CSMD1: variants seen among roughly 807,000 people sequenced by gnomAD.
CSMD1 encodes CUB and sushi domain-containing protein 1.
A neutral mutation model predicts 417.5 loss-of-function variants in CSMD1; 213 were observed. That is an observed-to-expected ratio of 0.51 (90% confidence interval 0.46 to 0.57). The LOEUF is 0.57. CSMD1 is among the 20% of genes least tolerant of loss of function. The pLI is 0.00. For synonymous variants in CSMD1, 2,862 were observed against 1,736.8 expected (o/e 1.65, Z -16.11); for missense variants, 6,923 against 4,529.7 (o/e 1.53, Z -15.17).
At chr8:4,023,412 T>C (rs1796886236) in intron 4 of CSMD1, among the ~76,000 whole-genome samples, 1 of 152,126 alleles carries the variant, frequency 6.6e-6, no homozygotes, top group Non-Finnish European at 1.5e-5. Context: ...TCCAATTTCA[T>C]TATGAATAAT....
At chr8:4,521,535 C>T (rs1440627464) in intron 2 of CSMD1, among the ~76,000 whole-genome samples, 6 of 152,094 alleles carry the variant, frequency 3.9e-5, no homozygotes, top group Non-Finnish European at 8.8e-5. Flanking sequence ...TTCTTGTCTA[C>T]TATAGCAGTG....
At chr8:3,204,169 G>C (rs1345523022) in intron 31 of CSMD1, among the ~76,000 whole-genome samples, 1 of 152,156 alleles carries the variant, frequency 6.6e-6, no homozygotes, top group Non-Finnish European at 1.5e-5. Context: ...GTGATCGTTT[G>C]TGTGATTAAA....
Position 3,308,348 on chromosome 8 carries a change from T to C in CSMD1, c.3787A>G (p.Arg1263Gly). The change falls in exon 24 of 70, where the codon AGG becomes GGG. Residue 1263 changes from arginine to glycine, a missense_variant. Coordinates refer to ENST00000635120, the MANE Select transcript of CSMD1 (RefSeq NM_033225.6). ...GGTAGTGGTTTGTCCCACACTCTCCTGTCTCCACTCAAACAGGTCAGGGTG... is the reference window on the plus strand; with the variant it reads ...GGTAGTGGTTTGTCCCACACTCTCCCGTCTCCACTCAAACAGGTCAGGGTG... Reference protein sequence around the residue: ...SNTLTCLSGDRRVWDKPLPSC... With the variant: ...SNTLTCLSGDGRVWDKPLPSC... 2 of 1,613,400 alleles carry C rather than the reference T, an allele frequency of 1.2e-6. No individual in the cohort carries two copies. The highest frequency in any genetic ancestry group is 1.7e-6 in the Non-Finnish European group (2 of 1,179,524).
intron 11 of CSMD1, among the ~76,000 whole-genome samples, chr8:3,470,541 C>T (rs1817026447): frequency 6.6e-6 from 1 of 152,114 alleles, no homozygotes; most frequent in Admixed American, 6.6e-5. Flanking sequence ...TTTGTATGTA[C>T]ATTTGTGCAT....
intron 1 of CSMD1, among the ~76,000 whole-genome samples, chr8:4,771,689 C>T (rs994064554): frequency 2.0e-5 from 3 of 152,166 alleles, no homozygotes; most frequent in African/African-American, 7.2e-5. Context: ...AAACTTCACC[C>T]GTGTCCCCTG....
intron 1 of CSMD1, among the ~76,000 whole-genome samples, chr8:4,696,646 T>G (rs1807151857): frequency 6.6e-6 from 1 of 152,226 alleles, no homozygotes; most frequent in African/African-American, 2.4e-5. Context: ...TTTTCATTTA[T>G]CTGGTTTCTC....
intron 3 of CSMD1, among the ~76,000 whole-genome samples, chr8:4,169,264 T>TGC (rs1797629396): frequency 6.6e-6 from 1 of 152,132 alleles, no homozygotes. Flanking sequence ...GTCTGATGGG[T>TGC]GCCTCAATCT....
Position 4,639,666 on chromosome 8 carries a change from TATCTC to T in CSMD1, c.86-2113_86-2109del, listed in dbSNP as rs1235286451. On this transcript the variant is annotated intron_variant, in intron 1 of 69. Transcript: ENST00000635120. ...AGTGTAAGTACTTGAATACAAGTAT[TATCTC>T]AGCTCTTATTGTTAAAGTACAAATA... 4.6e-5 allele frequency among the ~76,000 whole-genome samples: 7 copies of T among 152,326 alleles called. No individual in the cohort carries two copies. In the South Asian group the frequency reaches 6.2e-4, roughly 14 times the overall value.
chr8:3,172,522 A>C (rs1851006277), intron 37 of CSMD1, among the ~76,000 whole-genome samples: 1 of 152,208 alleles, frequency 6.6e-6, no homozygotes, highest in Non-Finnish European at 1.5e-5. Context: ...TAAATTTGAA[A>C]TTAGCAGAGA....
intron 6 of CSMD1, among the ~76,000 whole-genome samples, chr8:3,712,396 G>C (rs1313733385): frequency 3.3e-4 from 21 of 63,982 alleles, no homozygotes; most frequent in African/African-American, 1.2e-3. Flanking sequence ...GAGAGAGAGA[G>C]AGAGACAGAC....
intron 6 of CSMD1, among the ~76,000 whole-genome samples, chr8:3,736,780 T>A (rs1244425783): frequency 6.6e-6 from 1 of 152,224 alleles, no homozygotes; most frequent in African/African-American, 2.4e-5. Context: ...CCTCAGATCC[T>A]CATCTGCAAA....
chr8:4,676,641 T>C (rs1805699330), intron 1 of CSMD1, among the ~76,000 whole-genome samples: 1 of 152,160 alleles, frequency 6.6e-6, no homozygotes, highest in African/African-American at 2.4e-5. Context: ...CAATCTGTTT[T>C]CCAAGTTACA....
intron 5 of CSMD1, among the ~76,000 whole-genome samples, chr8:3,833,212 T>C (rs1015299660): frequency 6.6e-6 from 1 of 152,158 alleles, no homozygotes; most frequent in Non-Finnish European, 1.5e-5. Flanking sequence ...TCAAGAATTT[T>C]TTTGTCCGTA....
intron 1 of CSMD1, among the ~76,000 whole-genome samples, chr8:4,710,895 C>T (rs896419175): frequency 1.3e-5 from 2 of 151,644 alleles, no homozygotes; most frequent in Admixed American, 6.6e-5. Flanking sequence ...AGAAAAAAGA[C>T]TTACATAACT....
rs1797997798 is a variant in CSMD1 at position 4,301,863 on chromosome 8, C to G, written c.415+118090G>C. 8.6e-5 allele frequency among the ~76,000 whole-genome samples: 10 copies of G among 116,882 alleles called. No individual in the cohort carries two copies. In the South Asian group the frequency reaches 3.3e-3, roughly 38 times the overall value. The allele number at this position is 116,882 out of a possible 152,430, so 76.7% of individuals were successfully genotyped here. ...TCGGTGATTTCACCATTCTTCTGCC[C>G]AAGCTTCACCATAAATTTGTTGTTC... On this transcript the variant is annotated intron_variant, in intron 3 of 69. Transcript: ENST00000635120.
intron 39 of CSMD1, among the ~76,000 whole-genome samples, chr8:3,157,453 G>C (rs1346499946): frequency 6.6e-6 from 1 of 152,186 alleles, no homozygotes; most frequent in Non-Finnish European, 1.5e-5. Flanking sequence ...TCACCAGGCT[G>C]TTTCCAACAT....
At chr8:4,328,951 G>C (rs1799710997) in intron 3 of CSMD1, among the ~76,000 whole-genome samples, 1 of 152,204 alleles carries the variant, frequency 6.6e-6, no homozygotes, top group African/African-American at 2.4e-5. Context: ...GCATTTGCAA[G>C]TTTAGCAGAG....
intron 5 of CSMD1, among the ~76,000 whole-genome samples, chr8:3,853,722 G>C (rs1804078413): frequency 6.6e-6 from 1 of 151,840 alleles, no homozygotes; most frequent in African/African-American, 2.4e-5. Context: ...ACCACCTCGG[G>C]GTGGGGGGAG....
intron 26 of CSMD1, among the ~76,000 whole-genome samples, chr8:3,270,797 C>G (rs1028337003): frequency 6.6e-6 from 1 of 152,116 alleles, no homozygotes. Flanking sequence ...AAGACATACC[C>G]AAGACTGGGT....
Sources: allele counts gnomAD v4.1 joint callset (sites outside exome capture counted in the v4.1 genomes callset), GRCh38; gene constraint gnomAD v4.1.1; transcripts MANE v1.5; gene names NCBI Gene and HGNC (gene_info 2026-07-23, HGNC 2026-07-21).